The following TACC2 variants were observed in gnomAD, a reference collection of about 807,000 sequenced individuals.
TACC2 encodes the protein transforming acidic coiled-coil containing protein 2.
TACC2 carries 137 observed loss-of-function variants against 227.3 expected under a neutral mutation model. The ratio of observed to expected loss-of-function variants is 0.60; its 90% CI spans 0.52 to 0.69. TACC2 has a LOEUF of 0.69. TACC2 is among the 30% of genes least tolerant of loss of function. The probability of loss-of-function intolerance (pLI) is 0.00; values close to 1 mark genes in which losing one functional copy is unlikely to be tolerated. For missense variants in TACC2, 3,470 were observed against 3,694.4 expected (o/e 0.94, Z 1.57); for synonymous variants, 1,523 against 1,487.5 (o/e 1.02, Z -0.55).
intron 3 of TACC2, among the ~76,000 whole-genome samples, chr10:122,075,849 G>A (rs1158599465): frequency 1.3e-5 from 2 of 152,166 alleles, no homozygotes; most frequent in East Asian, 3.8e-4. Flanking sequence ...CCCAAGGCTG[G>A]AGTGCAGTGG....
chr10:122,158,756 A>AG (rs1221425961), intron 7 of TACC2, among the ~76,000 whole-genome samples: 1 of 152,242 alleles, frequency 6.6e-6, no homozygotes. Flanking sequence ...AGACTCCCAG[A>AG]GGTGAGCAGG....
chr10:122,128,318 G>A (rs1285211300), intron 5 of TACC2, among the ~76,000 whole-genome samples: 2 of 152,178 alleles, frequency 1.3e-5, no homozygotes, highest in Admixed American at 6.5e-5. Flanking sequence ...TGCCGAGGAC[G>A]GCTGAGTGTC....
chr10:122,046,426 A>T (rs987385146), intron 2 of TACC2, among the ~76,000 whole-genome samples: 3 of 152,114 alleles, frequency 2.0e-5, no homozygotes, highest in African/African-American at 7.2e-5. Flanking sequence ...GTGAGCCAAG[A>T]TCTCGCCACT....
chr10:122,204,737 C>G (rs1022699988), intron 8 of TACC2, among the ~76,000 whole-genome samples: 1 of 151,994 alleles, frequency 6.6e-6, no homozygotes, highest in African/African-American at 2.4e-5. Flanking sequence ...GAGGGTGAAG[C>G]CAGAGGATCA....
rs766656422 is a variant in TACC2, at chr10:122,061,014, AAAAAAGGGG to A, written c.146+10465_146+10473del. Among the ~76,000 whole-genome samples the A allele has an allele frequency of 2.3e-3, 107 of 47,128 alleles. 2 individuals carry two copies. Among genetic ancestry groups the A allele is most frequent in the Admixed American group, 5.7e-3 (27 of 4,728 alleles). The allele number at this position is 47,128 out of a possible 152,430, so 30.9% of individuals were successfully genotyped here. On this transcript the variant is annotated intron_variant, in intron 3 of 22. Coordinates refer to ENST00000369005, the MANE Select transcript of TACC2 (RefSeq NM_206862.4). ...AGACTCCATCTCAAAAAAAAAAAAA[AAAAAAGGGG>A]GGGGGGCCAGGCACGGTGGCTCACA...
At chr10:122,230,778 A>G (rs2095725117) in intron 16 of TACC2, among the ~76,000 whole-genome samples, 1 of 152,188 alleles carries the variant, frequency 6.6e-6, no homozygotes, top group East Asian at 1.9e-4. Context: ...GAGCAAAACA[A>G]AATCATGACC....
chr10:122,103,289 A>C (rs2082377639), intron 5 of TACC2, among the ~76,000 whole-genome samples: 1 of 152,184 alleles, frequency 6.6e-6, no homozygotes, highest in African/African-American at 2.4e-5. Context: ...AGTTCTGCAC[A>C]CACAGAGCCT....
intron 3 of TACC2, among the ~76,000 whole-genome samples, chr10:122,058,058 C>T (rs1565177799): frequency 6.6e-6 from 1 of 152,250 alleles, no homozygotes; most frequent in South Asian, 2.1e-4. Flanking sequence ...ACACAAGAGA[C>T]CACCCACCAT....
intron 7 of TACC2, among the ~76,000 whole-genome samples, chr10:122,193,625 G>C (rs1466180142): frequency 6.6e-6 from 1 of 152,144 alleles, no homozygotes; most frequent in Admixed American, 6.5e-5. Flanking sequence ...GTGCCATTCA[G>C]CCACTCTAAG....
intron 1 of TACC2, among the ~76,000 whole-genome samples, chr10:122,004,598 T>C (rs1954834675): frequency 6.6e-6 from 1 of 152,116 alleles, no homozygotes; most frequent in Admixed American, 6.6e-5. Context: ...CCCCCAGAAC[T>C]GGACTCAGCA....
intron 1 of TACC2, among the ~76,000 whole-genome samples, chr10:121,992,065 C>T (rs1359098035): frequency 6.6e-6 from 1 of 152,206 alleles, no homozygotes; most frequent in African/African-American, 2.4e-5. Context: ...CTTCCTGCAA[C>T]AAGTGGGAAT....
At position 122,186,662 on chromosome 10, in the gene TACC2, G is replaced by A. The variant is rs372768314; in HGVS notation, c.5835-8378G>A. ...TGAGTAGCTGGAATTACAGGTGCCC[G>A]CCACCATACCTGGCTAATTTTTATA... On this transcript the variant is annotated intron_variant, in intron 7 of 22. Transcript: ENST00000369005. Among the ~76,000 whole-genome samples, 37 of 152,158 alleles carry A rather than the reference G, an allele frequency of 2.4e-4. No individual in the cohort carries two copies. The East Asian group carries it at 3.9e-3, about 16-fold the overall frequency.
intron 7 of TACC2, among the ~76,000 whole-genome samples, chr10:122,191,758 T>G (rs916112594): frequency 4.6e-5 from 7 of 152,380 alleles, no homozygotes; most frequent in African/African-American, 1.4e-4. Context: ...TTCAGCAGAT[T>G]GTAATGACAA....
At chr10:122,057,303 G>A (rs1409369714) in intron 3 of TACC2, among the ~76,000 whole-genome samples, 2 of 152,164 alleles carry the variant, frequency 1.3e-5, no homozygotes, top group Non-Finnish European at 1.5e-5. Context: ...GGAGGGTGCC[G>A]GCTGGAAGGG....
chr10:122,148,428 A>T (rs1419845626), intron 7 of TACC2, among the ~76,000 whole-genome samples: 1 of 152,204 alleles, frequency 6.6e-6, no homozygotes, highest in Non-Finnish European at 1.5e-5. Flanking sequence ...GAGGTCCTGG[A>T]TGGACTCTTG....
intron 2 of TACC2, among the ~76,000 whole-genome samples, chr10:122,025,737 G>A (rs1415952825): frequency 6.6e-6 from 1 of 150,824 alleles, no homozygotes; most frequent in African/African-American, 2.4e-5. Context: ...ACCATGCCTG[G>A]CTAATTTTTT....
At chr10:122,090,374 G>A (rs896355978) in intron 5 of TACC2, among the ~76,000 whole-genome samples, 1 of 151,408 alleles carries the variant, frequency 6.6e-6, no homozygotes, top group Non-Finnish European at 1.5e-5. Flanking sequence ...GTGAAACCCC[G>A]TCTGTACTAA....
chr10:122,071,600 A>G (rs2136723977), intron 3 of TACC2, among the ~76,000 whole-genome samples: 1 of 152,006 alleles, frequency 6.6e-6, no homozygotes, highest in South Asian at 2.1e-4. Context: ...GAGGCCAGGC[A>G]CAGTGGCTCA....
chr10:122,082,870 A>C lies in TACC2; in HGVS notation c.370A>C (p.Ser124Arg), dbSNP rs2079683142. The C allele has an allele frequency of 6.2e-7, 1 of 1,613,340 alleles. No homozygotes were observed. Among genetic ancestry groups the C allele is most frequent in the Admixed American group, 1.7e-5 (1 of 60,000 alleles). The change falls in exon 4 of 23, where the codon AGT (serine) becomes CGT (arginine). Residue 124 changes from serine (S) to arginine (R), a missense_variant. Physicochemically the swap from Ser to Arg is moderately radical, Grantham distance 110 (BLOSUM62 -1). This residue lies in a region of TACC2 where 405 missense variants were observed against 389.6 expected (regional missense o/e 1.04). Transcript: ENST00000369005. ...AECPPEGCLA[S>R]PAAAPEDGPQ... is the part of the protein sequence containing the mutation. ...GTGTCCCCCGGAAGGTTGCTTGGCA[A>C]GTCCAGCAGCGGCACCTGAAGATGG...
Sources: gnomAD v4.1 joint callset for allele counts (sites outside exome capture counted in the v4.1 genomes callset) on GRCh38, gnomAD v4.1.1 for gene constraint, gnomAD v4.1.1 regional missense constraint, MANE v1.5 for transcripts, NCBI Gene and HGNC (gene_info 2026-07-23, HGNC 2026-07-21) for gene names.